PPP2R2B: variants seen among roughly 807,000 people sequenced by gnomAD.
PPP2R2B encodes protein phosphatase 2 regulatory subunit Bbeta.
A neutral mutation model predicts 46.0 loss-of-function variants in PPP2R2B; 5 were observed. That is an observed-to-expected ratio of 0.11 (90% CI 0.06 to 0.23). The LOEUF is 0.23. Ranked by LOEUF, PPP2R2B falls within the 10% of genes least tolerant of loss-of-function variation. The probability of loss-of-function intolerance (pLI) is 1.00; values close to 1 mark genes in which losing one functional copy is unlikely to be tolerated. For synonymous variants in PPP2R2B, 215 were observed against 206.7 expected (o/e 1.04, Z -0.34); for missense variants, 367 against 575.0 (o/e 0.64, Z 3.70).
chr5:146,981,112 A>G (rs552769039), intron 1 of PPP2R2B, among the ~76,000 whole-genome samples: 2 of 152,278 alleles, frequency 1.3e-5, no homozygotes, highest in South Asian at 2.1e-4. Context: ...TTTAAGTCCC[A>G]TAAGAGCAGG....
chr5:147,006,032 AACCCAGCAGGT>A (rs1754421446), intron 1 of PPP2R2B, among the ~76,000 whole-genome samples: 1 of 152,178 alleles, frequency 6.6e-6, no homozygotes, highest in South Asian at 2.1e-4. Context: ...AAAAATCCTT[AACCCAGCAGGT>A]TTCCTAACAG....
At chr5:146,932,954 G>A (rs1323101906) in intron 1 of PPP2R2B, among the ~76,000 whole-genome samples, 3 of 152,164 alleles carry the variant, frequency 2.0e-5, no homozygotes, top group Non-Finnish European at 4.4e-5. Flanking sequence ...TATCAAAGAA[G>A]CTTTGAGAAT....
At chr5:146,936,856 G>A (rs1057110897) in intron 1 of PPP2R2B, among the ~76,000 whole-genome samples, 1 of 150,948 alleles carries the variant, frequency 6.6e-6, no homozygotes, top group African/African-American at 2.4e-5. Flanking sequence ...ACAAACCAGT[G>A]AGCCAGGGTT....
chr5:146,881,605 GT>G (rs1239475978), upstream of PPP2R2B, among the ~76,000 whole-genome samples: 1 of 152,006 alleles, frequency 6.6e-6, no homozygotes, highest in African/African-American at 2.4e-5. Context: ...TAGAGATGGG[GT>G]TTTGCCATGT....
intron 1 of PPP2R2B, chr5:147,054,486 A>G (rs1196999126): frequency 1.4e-5 from 3 of 220,582 alleles, no homozygotes; most frequent in East Asian, 2.1e-4. Flanking sequence ...TCCAACTGTA[A>G]AAAAAAAGTC....
chr5:146,621,900 G>A (rs1413546023), intron 7 of PPP2R2B, among the ~76,000 whole-genome samples: 4 of 152,188 alleles, frequency 2.6e-5, no homozygotes, highest in African/African-American at 9.7e-5. Context: ...TTTGCACTTG[G>A]TTAGAGAGTA....
rs191335486 is a variant in PPP2R2B at position 146,787,562 on chromosome 5, C to T, written c.71-86420G>A. On this transcript the variant is annotated intron_variant, in intron 2 of 9. Coordinates refer to ENST00000394411, the MANE Select transcript of PPP2R2B (RefSeq NM_181675.4). ...CCCTCTCGCCTCTCCCCTCTCCCTTCTCTCTTGTCTTCTCTTTCTTCTTGA... is the reference window on the plus strand; with the variant it reads ...CCCTCTCGCCTCTCCCCTCTCCCTTTTCTCTTGTCTTCTCTTTCTTCTTGA... Among the ~76,000 whole-genome samples the T allele has an allele frequency of 2.9e-3, 439 of 151,958 alleles. 4 individuals are homozygous for T. The highest frequency in any genetic ancestry group is 9.5e-3 in the African/African-American group (392 of 41,460).
At chr5:146,883,320 A>G (rs1206433631), upstream of PPP2R2B, among the ~76,000 whole-genome samples, 11 of 152,194 alleles carry the variant, frequency 7.2e-5, no homozygotes, top group Non-Finnish European at 4.4e-5. Context: ...CCTTCACTAA[A>G]ATGACCCTTC....
intron 7 of PPP2R2B, among the ~76,000 whole-genome samples, chr5:146,637,254 T>C (rs1774885453): frequency 6.6e-6 from 1 of 152,200 alleles, no homozygotes; most frequent in Non-Finnish European, 1.5e-5. Context: ...AATTGTAGTC[T>C]AGATCAGTGG....
chr5:147,021,372 G>A lies in PPP2R2B; in HGVS notation c.79+34293C>T, dbSNP rs185095827. ...ATAATTTGGAGGCAGATACTGGAGA[G>A]GTGAGAGTGGAGAAAGAGTTTGAGA... On this transcript the variant is annotated intron_variant, in intron 1 of 8. Transcript: ENST00000336640. 8.7e-4 allele frequency among the ~76,000 whole-genome samples: 133 copies of A among 152,306 alleles called. 1 individual carries two copies. Among genetic ancestry groups the A allele is most frequent in the Middle Eastern group, 3.4e-3 (1 of 294 alleles).
chr5:146,879,186 C>T (rs1490346682), upstream of PPP2R2B: 1 of 153,308 alleles, frequency 6.5e-6, no homozygotes, highest in Admixed American at 6.5e-5. Flanking sequence ...GTTTGGGGCT[C>T]GAAGCTTCAG....
intron 1 of PPP2R2B, among the ~76,000 whole-genome samples, chr5:147,019,662 T>A (rs1755169808): frequency 6.6e-6 from 1 of 152,184 alleles, no homozygotes; most frequent in Non-Finnish European, 1.5e-5. Context: ...GTGCTTTGCA[T>A]CTGGGATCTA....
chr5:147,012,877 C>T (rs1294757166), intron 1 of PPP2R2B, among the ~76,000 whole-genome samples: 1 of 152,120 alleles, frequency 6.6e-6, no homozygotes, highest in East Asian at 1.9e-4. Flanking sequence ...AGTTTCCATG[C>T]AGTTGAGCGG....
intron 2 of PPP2R2B, among the ~76,000 whole-genome samples, chr5:146,780,777 C>T (rs1755461853): frequency 6.6e-6 from 1 of 152,116 alleles, no homozygotes; most frequent in African/African-American, 2.4e-5. Context: ...TTCTCTCTGC[C>T]TGTTCTTCAA....
At chr5:146,993,396 C>T (rs915098537) in intron 1 of PPP2R2B, among the ~76,000 whole-genome samples, 8 of 151,736 alleles carry the variant, frequency 5.3e-5, no homozygotes, top group Admixed American at 3.3e-4. Context: ...GCTGCTCTAC[C>T]ACACCTGACT....
rs570169624 is a variant in PPP2R2B at position 146,993,505 on chromosome 5, G to A, written c.79+62160C>T. Among the ~76,000 whole-genome samples the A allele has an allele frequency of 4.6e-5, 7 of 152,314 alleles. No homozygotes were observed. The East Asian group carries it at 1.4e-3, about 29-fold the overall frequency. On this transcript the variant is annotated intron_variant, in intron 1 of 8. Coordinates refer to the PPP2R2B transcript ENST00000336640. ...GATCCACCTGCCTCAGCCTCCCAAA[G>A]TGCTGGGATTACAGGTGTGAGCCAC... is the stretch of plus-strand genomic sequence containing the variant.
chr5:146,716,520 T>C (rs1780509649), intron 2 of PPP2R2B, among the ~76,000 whole-genome samples: 1 of 152,202 alleles, frequency 6.6e-6, no homozygotes, highest in Admixed American at 6.5e-5. Flanking sequence ...GAGGATCCAA[T>C]AAAAGCTATA....
chr5:146,699,824 C>A (rs1779429410), intron 3 of PPP2R2B, among the ~76,000 whole-genome samples: 1 of 152,040 alleles, frequency 6.6e-6, no homozygotes, highest in Non-Finnish European at 1.5e-5. Flanking sequence ...GATTTGCTAC[C>A]ATCCAAATCA....
intron 3 of PPP2R2B, 109 bp from the exon 4 acceptor site, chr5:146,698,253 G>A (rs1779299306): frequency 8.8e-6 from 6 of 684,864 alleles, no homozygotes; most frequent in Non-Finnish European, 1.1e-5. Flanking sequence ...ATGAGGGCAG[G>A]GCCATGAGGA....
Sources: allele counts gnomAD v4.1 joint callset (sites outside exome capture counted in the v4.1 genomes callset), GRCh38; gene constraint gnomAD v4.1.1; transcripts MANE v1.5; gene names NCBI Gene and HGNC (gene_info 2026-07-23, HGNC 2026-07-21).